Variants in TDRP observed in about 807,000 individuals in gnomAD.
The protein encoded by TDRP is testis development-related protein.
In TDRP, 12 loss-of-function variants were observed where a neutral mutation model predicts 10.5. The ratio of observed to expected loss-of-function variants is 1.15; its 90% CI spans 0.73 to 1.86. The LOEUF (loss-of-function observed/expected upper bound fraction) is 1.86, where lower values mean the gene tolerates loss of function less well. TDRP is among the 40% of genes most tolerant of loss of function. TDRP has a pLI of 0.00. For synonymous variants in TDRP, 139 were observed against 95.4 expected (o/e 1.46, Z -2.67); for missense variants, 353 against 229.2 (o/e 1.54, Z -3.49).
At chr8:529,046 C>G (rs190908538) in intron 1 of TDRP, among the ~76,000 whole-genome samples, 1 of 152,164 alleles carries the variant, frequency 6.6e-6, no homozygotes, top group African/African-American at 2.4e-5. Context: ...CTAGGCCAGT[C>G]TAGCCTTTTC....
chr8:517,681 C>G (rs991056223), intron 1 of TDRP, among the ~76,000 whole-genome samples: 6 of 152,192 alleles, frequency 3.9e-5, no homozygotes, highest in African/African-American at 1.4e-4. Flanking sequence ...TTTTGTCCCC[C>G]TAAAATGTAG....
chr8:544,874 C>T (rs893063323), upstream of TDRP: 3 of 661,228 alleles, frequency 4.5e-6, no homozygotes, highest in East Asian at 7.6e-5. Context: ...GTGGGCCGGG[C>T]GGGGCTAGGC....
At position 492,383 on chromosome 8, in the gene TDRP, T is replaced by C. The variant is rs530516148; in HGVS notation, c.*16A>G. On this transcript the variant is annotated 3_prime_UTR_variant, in exon 3 of 3. Coordinates refer to ENST00000324079, the MANE Select transcript of TDRP (RefSeq NM_001384899.1). The stretch of plus-strand genomic sequence containing the variant: ...AAAGGCCACCATGTCGGGGCACACT[T>C]GCCACGCAGCCCCCCTCACTCCGCC... 3 of 1,491,160 alleles carry C rather than the reference T, an allele frequency of 2.0e-6. No individual in the cohort carries two copies. The East Asian group carries it at 7.1e-5, about 35-fold the overall frequency. 92.4% of individuals were successfully genotyped at this position (1,491,160 alleles called of 1,614,324 possible). A position where few individuals can be genotyped will look rare whatever the true frequency, so the allele number is the denominator to read the frequency against.
intron 1 of TDRP, among the ~76,000 whole-genome samples, chr8:528,921 G>A (rs1049955812): frequency 2.6e-5 from 4 of 152,130 alleles, no homozygotes; most frequent in Admixed American, 6.6e-5. Context: ...ACAACAGGAT[G>A]TCTGCAAGCT....
intron 1 of TDRP, chr8:494,866 A>G (rs1355569270): frequency 7.0e-6 from 2 of 287,242 alleles, no homozygotes; most frequent in Non-Finnish European, 1.3e-5. Flanking sequence ...TTTTGCCTCA[A>G]AAAGCTTATG....
At chr8:528,436 A>T (rs549479284) in intron 1 of TDRP, among the ~76,000 whole-genome samples, 5 of 150,698 alleles carry the variant, frequency 3.3e-5, no homozygotes, top group Non-Finnish European at 7.4e-5. Flanking sequence ...GGAAATCAAT[A>T]TATCAAAGAG....
At chr8:493,623 C>T (rs1278257936) in intron 2 of TDRP, among the ~76,000 whole-genome samples, 4 of 152,256 alleles carry the variant, frequency 2.6e-5, no homozygotes, top group Non-Finnish European at 5.9e-5. Context: ...TGGGTAGTCA[C>T]TGAACTTACA....
intron 1 of TDRP, among the ~76,000 whole-genome samples, chr8:540,696 T>C (rs944445329): frequency 4.6e-5 from 7 of 151,988 alleles, no homozygotes; most frequent in African/African-American, 1.5e-4. Context: ...GTTTATTTTC[T>C]AAAATGTTAA....
chr8:494,799 C>T (rs1188588356), intron 1 of TDRP, among the ~76,000 whole-genome samples: 1 of 152,162 alleles, frequency 6.6e-6, no homozygotes, highest in East Asian at 1.9e-4. Context: ...GTCCTAACAG[C>T]TTAACAGCTT....
intron 1 of TDRP, among the ~76,000 whole-genome samples, chr8:544,326 G>T (rs1049108207): frequency 1.3e-5 from 2 of 151,976 alleles, no homozygotes; most frequent in African/African-American, 4.8e-5. Context: ...GCTCTCCTGG[G>T]ACTGCGCCCC....
intron 1 of TDRP, among the ~76,000 whole-genome samples, chr8:514,461 A>C (rs557211210): frequency 6.6e-6 from 1 of 152,304 alleles, no homozygotes; most frequent in Admixed American, 6.5e-5. Context: ...ACTGCCACCC[A>C]CACAACCACA....
intron 1 of TDRP, among the ~76,000 whole-genome samples, chr8:508,790 G>A (rs879268309): frequency 6.6e-6 from 1 of 152,088 alleles, no homozygotes; most frequent in Non-Finnish European, 1.5e-5. Context: ...ATTCATTTCA[G>A]CATTAACTCA....
At chr8:516,880 A>G (rs1333673613) in intron 1 of TDRP, among the ~76,000 whole-genome samples, 1 of 152,234 alleles carries the variant, frequency 6.6e-6, no homozygotes, top group African/African-American at 2.4e-5. Flanking sequence ...CAGCAGGTGA[A>G]TGGATAAGCT....
chr8:506,800 G>A (rs1404915741), intron 1 of TDRP, among the ~76,000 whole-genome samples: 1 of 152,210 alleles, frequency 6.6e-6, no homozygotes, highest in Non-Finnish European at 1.5e-5. Context: ...CTTCAGAGCT[G>A]TGGAAGACAA....
chr8:535,311 G>A (rs1469649103), intron 1 of TDRP, among the ~76,000 whole-genome samples: 2 of 152,066 alleles, frequency 1.3e-5, no homozygotes, highest in Non-Finnish European at 2.9e-5. Context: ...AAGCCAAGGT[G>A]AGAGGAGGCA....
At chr8:534,956 T>G (rs1052758048) in intron 1 of TDRP, among the ~76,000 whole-genome samples, 8 of 152,156 alleles carry the variant, frequency 5.3e-5, no homozygotes, top group African/African-American at 1.9e-4. Context: ...ACGCTCTGAC[T>G]AAAAACGACA....
chr8:493,600 T>C (rs1456655662), intron 2 of TDRP, among the ~76,000 whole-genome samples: 1 of 152,272 alleles, frequency 6.6e-6, no homozygotes, highest in African/African-American at 2.4e-5. Flanking sequence ...AAATATGCCA[T>C]TGGTAATATC....
intron 1 of TDRP, among the ~76,000 whole-genome samples, chr8:522,284 T>C (rs987083392): frequency 1.3e-5 from 2 of 152,334 alleles, no homozygotes; most frequent in Admixed American, 1.3e-4. Context: ...TTTGTCATTA[T>C]GGAACAGGAA....
At chr8:507,750 C>G (rs1416360109) in intron 1 of TDRP, among the ~76,000 whole-genome samples, 2 of 152,138 alleles carry the variant, frequency 1.3e-5, no homozygotes, top group African/African-American at 4.8e-5. Context: ...AAAGGGGGAA[C>G]AGTCAGTACC....
Sources: gnomAD v4.1 joint callset for allele counts (sites outside exome capture counted in the v4.1 genomes callset) on GRCh38, gnomAD v4.1.1 for gene constraint, MANE v1.5 for transcripts, NCBI Gene and HGNC (gene_info 2026-07-23, HGNC 2026-07-21) for gene names.